Variants in FBN2 observed in about 807,000 individuals in gnomAD.
FBN2 encodes the protein fibrillin 2.
Under a neutral mutation model 355.6 loss-of-function variants are expected in FBN2, and 105 were observed. The observed-to-expected ratio is 0.30, with a 90% confidence interval of 0.25 to 0.35. The LOEUF is 0.35. Among genes scored for constraint, FBN2 ranks in the 10% least tolerant of loss-of-function variants. The probability of loss-of-function intolerance (pLI) is 1.00; values close to 1 mark genes in which losing one functional copy is unlikely to be tolerated. For synonymous variants in FBN2, 1,350 were observed against 1,301.2 expected (o/e 1.04, Z -0.81); for missense variants, 3,280 against 3,758.7 (o/e 0.87, Z 3.33).
intron 34 of FBN2, among the ~76,000 whole-genome samples, chr5:128,322,054 C>T (rs938120640): frequency 2.0e-5 from 3 of 152,082 alleles, no homozygotes; most frequent in African/African-American, 7.2e-5. Flanking sequence ...TGAGGATGTG[C>T]TTTTTTTCAC....
intron 6 of FBN2, among the ~76,000 whole-genome samples, chr5:128,460,972 G>A (rs957895975): frequency 3.3e-5 from 5 of 152,018 alleles, no homozygotes; most frequent in African/African-American, 1.2e-4. Flanking sequence ...AATGCCAAAA[G>A]CAATTGCAAC....
At chr5:128,316,597 C>A (rs1426041403) in intron 36 of FBN2, among the ~76,000 whole-genome samples, 1 of 152,176 alleles carries the variant, frequency 6.6e-6, no homozygotes, top group Non-Finnish European at 1.5e-5. Context: ...ATCTGCAGTG[C>A]TGCCCTGGTC....
chr5:128,367,930 C>T (rs111616331), intron 16 of FBN2, among the ~76,000 whole-genome samples: 1,907 of 151,788 alleles, frequency 0.013, 45 homozygotes, highest in African/African-American at 0.044. Flanking sequence ...TCATTATTTC[C>T]ACGTTTGAAG....
At chr5:128,537,297 T>A (rs1756877607) in intron 1 of FBN2, 53 bp downstream of exon 1, 1 of 1,601,992 alleles carries the variant, frequency 6.2e-7, no homozygotes, top group African/African-American at 1.3e-5. Flanking sequence ...AAACTGAGGA[T>A]TCCCCCCTCC....
At chr5:128,435,091 A>T (rs1488280936) in intron 7 of FBN2, among the ~76,000 whole-genome samples, 1 of 152,060 alleles carries the variant, frequency 6.6e-6, no homozygotes, top group African/African-American at 2.4e-5. Context: ...CATTTGGGAA[A>T]TTTTTCCTGA....
chr5:128,501,806 T>A (rs6859216), intron 5 of FBN2, among the ~76,000 whole-genome samples: 75,543 of 151,848 alleles, frequency 0.5, 22,036 homozygotes, highest in African/African-American at 0.82. Context: ...GAACAGACAC[T>A]GCTAAAAAGA....
At chr5:128,524,963 G>A (rs954237035) in intron 4 of FBN2, among the ~76,000 whole-genome samples, 3 of 152,098 alleles carry the variant, frequency 2.0e-5, no homozygotes, top group South Asian at 2.1e-4. Flanking sequence ...ACACAGGGGC[G>A]GAAGAACATC....
At chr5:128,374,368 C>A (rs533330240) in intron 15 of FBN2, among the ~76,000 whole-genome samples, 1 of 152,280 alleles carries the variant, frequency 6.6e-6, no homozygotes, top group South Asian at 2.1e-4. Context: ...CTCCCACCAC[C>A]CCCATCCTCT....
At chr5:128,526,262 GC>G (rs1561498802) in intron 4 of FBN2, among the ~76,000 whole-genome samples, 1 of 152,042 alleles carries the variant, frequency 6.6e-6, no homozygotes, top group Non-Finnish European at 1.5e-5. Flanking sequence ...ACAAGGTTTG[GC>G]AAGTATATAG....
chr5:128,513,626 C>G (rs904298436), intron 5 of FBN2, among the ~76,000 whole-genome samples: 7 of 152,172 alleles, frequency 4.6e-5, no homozygotes, highest in African/African-American at 1.7e-4. Context: ...CAGATCTAAA[C>G]AGCAGACTCT....
intron 5 of FBN2, among the ~76,000 whole-genome samples, chr5:128,497,800 T>C (rs1451004780): frequency 1.3e-5 from 2 of 152,210 alleles, no homozygotes; most frequent in Non-Finnish European, 2.9e-5. Context: ...GTTTGTTTCA[T>C]AATTCTAGTT....
In FBN2 at chr5:128,524,593, T is replaced by C. The variant is rs182051249; in HGVS notation, c.532+3279A>G. ...TTTATAATGTTCATTTTAGCAAGCA[T>C]CCTATTTCCAAGACTTTTCTGGATT... On this transcript the variant is annotated intron_variant, in intron 4 of 64. Transcript: ENST00000262464. 8.6e-4 allele frequency among the ~76,000 whole-genome samples: 131 copies of C among 152,268 alleles called. 3 individuals are homozygous for C. Among genetic ancestry groups the C allele is most frequent in the East Asian group, 5.4e-3 (28 of 5,186 alleles).
At chr5:128,332,874 T>A (rs1359941747) in intron 32 of FBN2, 38 bp downstream of exon 32, 1 of 1,608,854 alleles carries the variant, frequency 6.2e-7, no homozygotes, top group South Asian at 1.1e-5. Flanking sequence ...TTTAAAAATT[T>A]GTGCCTTAGC....
chr5:128,421,105 A>G (rs565984024), intron 7 of FBN2, among the ~76,000 whole-genome samples: 79 of 152,356 alleles, frequency 5.2e-4, no homozygotes, highest in African/African-American at 1.9e-3. Context: ...GCAGCTTTCC[A>G]TGACCTGAGG....
At chr5:128,302,850 C>A in intron 46 of FBN2, 123 bp downstream of exon 46, 2 of 725,576 alleles carry the variant, frequency 2.8e-6, no homozygotes, top group East Asian at 2.6e-5. Context: ...AATTATATAT[C>A]TTTTGGCACA....
At chr5:128,390,288 G>A (rs890943378) in intron 11 of FBN2, among the ~76,000 whole-genome samples, 1 of 152,148 alleles carries the variant, frequency 6.6e-6, no homozygotes, top group Non-Finnish European at 1.5e-5. Flanking sequence ...TGTTCTCAAG[G>A]TGTGGCCTCT....
At chr5:128,321,125 G>A (rs1248730545) in intron 34 of FBN2, among the ~76,000 whole-genome samples, 1 of 152,044 alleles carries the variant, frequency 6.6e-6, no homozygotes, top group Non-Finnish European at 1.5e-5. Context: ...AGAAGGGTGG[G>A]ACTTTTATGA....
At chr5:128,300,694 T>TTTAAAAA in intron 48 of FBN2, 123 bp downstream of exon 48, 1 of 951,486 alleles carries the variant, frequency 1.1e-6, no homozygotes, top group South Asian at 1.3e-5. Context: ...TGTAGGCAGC[T>TTTAAAAA]ATATGTTTAA....
intron 15 of FBN2, among the ~76,000 whole-genome samples, chr5:128,369,672 T>C (rs542336723): frequency 6.6e-6 from 1 of 152,314 alleles, no homozygotes; most frequent in African/African-American, 2.4e-5. Context: ...TCACTGGCTA[T>C]GCTATATTCA....
Sources: allele counts gnomAD v4.1 joint callset (sites outside exome capture counted in the v4.1 genomes callset), GRCh38; gene constraint gnomAD v4.1.1; transcripts MANE v1.5; gene names NCBI Gene and HGNC (gene_info 2026-07-23, HGNC 2026-07-21).